The following HSH2D variants were observed in gnomAD, a reference collection of about 807,000 sequenced individuals.
HSH2D encodes hematopoietic SH2 domain containing.
A neutral mutation model predicts 21.5 loss-of-function variants in HSH2D; 16 were observed. That is an observed-to-expected ratio of 0.74 (90% CI 0.50 to 1.13). HSH2D has a LOEUF of 1.13. Among genes scored for constraint, HSH2D ranks in the 50% most tolerant of loss-of-function variants. The pLI is 0.00. For synonymous variants in HSH2D, 172 were observed against 184.7 expected (o/e 0.93, Z 0.56); for missense variants, 418 against 441.4 (o/e 0.95, Z 0.47).
At chr19:16,140,271 C>CCA (rs2090991211), upstream of HSH2D, among the ~76,000 whole-genome samples, 1 of 151,754 alleles carries the variant, frequency 6.6e-6, no homozygotes, top group South Asian at 2.1e-4. Context: ...CCACTGCACT[C>CCA]CAGCCTGGGC....
Position 16,157,623 on chromosome 19 carries a change from G to A in HSH2D, c.888G>A (p.Ser296=), listed in dbSNP as rs766940068. Reference sequence around the variant, plus strand: ...TCCCCACCAGGAAGGCCGAGAGGTCGGTCAGCTGCATTGAGGTGACCCCAG... The same window carrying A: ...TCCCCACCAGGAAGGCCGAGAGGTCAGTCAGCTGCATTGAGGTGACCCCAG... The part of the protein sequence containing the change: ...RKVPTRKAER[S]VSCIEVTPGD... The change falls in exon 6 of 6, where the codon TCG becomes TCA. Residue 296 remains serine (S), a synonymous_variant. Transcript: ENST00000613986. This position sits in a 1 kb window ranked among gnomAD's most constrained non-coding sequence, Gnocchi z 4.4. The A allele has an allele frequency of 8.1e-6, 13 of 1,613,662 alleles. No individual in the cohort carries two copies. In the East Asian group the frequency reaches 8.9e-5, roughly 11 times the overall value.
rs1397487428 is a variant in HSH2D, at chr19:16,157,091, C to T, written c.475-119C>T. ...GGGCATGGGATCAGGTTTGGGGGTT[C>T]ACACGGGGACGTTTCTCAGCCACAG... On this transcript the variant is annotated intron_variant, in intron 5 of 5. Coordinates refer to ENST00000613986, the MANE Select transcript of HSH2D (RefSeq NM_001382417.1). This position sits in a 1 kb window ranked among gnomAD's most constrained non-coding sequence, Gnocchi z 4.4. The T allele has an allele frequency of 2.7e-6, 2 of 745,492 alleles. No homozygotes were observed. Among genetic ancestry groups the T allele is most frequent in the Non-Finnish European group, 4.2e-6 (2 of 475,046 alleles). 46.2% of individuals were successfully genotyped at this position (745,492 alleles called of 1,614,324 possible). A position where few individuals can be genotyped will look rare whatever the true frequency, so the allele number is the denominator to read the frequency against.
chr19:16,143,266 T>C (rs540012356), upstream of HSH2D, among the ~76,000 whole-genome samples: 44 of 152,232 alleles, frequency 2.9e-4, no homozygotes, highest in South Asian at 9.1e-3. Context: ...CGTATTTTAA[T>C]AGAGACGGGG....
chr19:16,148,010 G>C (rs147317797), intron 1 of HSH2D, among the ~76,000 whole-genome samples: 2,635 of 152,216 alleles, frequency 0.017, 86 homozygotes, highest in African/African-American at 0.059. Flanking sequence ...CCAGGCTGGA[G>C]TGCAGTGGCA....
In HSH2D at chr19:16,157,431, A is replaced by G. The variant is rs777441077; in HGVS notation, c.696A>G (p.Ser232=). ...ACCTCGCCACTGTGAACTTGTCGTC[A>G]CTCTTGGATGTCCGGAGATCCACGG... is the stretch of plus-strand genomic sequence containing the variant. ...KSHLATVNLS[S]LLDVRRSTVI... Residue 232 remains serine, a synonymous_variant, in exon 6 of 6, where the codon TCA becomes TCG. Transcript: ENST00000613986. The surrounding 1 kb of genome is among the most constrained non-coding windows in gnomAD (Gnocchi z 4.4). The G allele has an allele frequency of 6.2e-7, 1 of 1,613,582 alleles. No individual in the cohort carries two copies. Among genetic ancestry groups the G allele is most frequent in the Non-Finnish European group, 8.5e-7 (1 of 1,179,808 alleles).
chr19:16,157,923 A>C lies in HSH2D; in HGVS notation c.*129A>C. ...TTCGGGAACCCGGGAAATGGAATAA[A>C]GATGTTTTTGGGGTCTGTTCCTGCA... On this transcript the variant is annotated 3_prime_UTR_variant, in exon 6 of 6. Transcript: ENST00000613986. The surrounding 1 kb of genome is among the most constrained non-coding windows in gnomAD (Gnocchi z 4.4). The C allele has an allele frequency of 1.5e-6, 1 of 682,880 alleles. No individual in the cohort carries two copies. Among genetic ancestry groups the C allele is most frequent in the Non-Finnish European group, 2.4e-6 (1 of 412,178 alleles). The allele number at this position is 682,880 out of a possible 1,614,324, so 42.3% of individuals were successfully genotyped here.
upstream of HSH2D, among the ~76,000 whole-genome samples, chr19:16,141,136 C>A (rs1408229974): frequency 1.3e-5 from 2 of 152,228 alleles, no homozygotes; most frequent in African/African-American, 4.8e-5. Context: ...ATGCCCATTG[C>A]ACAGATGCAG....
intron 5 of HSH2D, 191 bp downstream of exon 5, chr19:16,154,682 C>T: frequency 2.0e-6 from 1 of 509,442 alleles, no homozygotes; most frequent in Non-Finnish European, 3.6e-6. Flanking sequence ...CTCTTTCTGC[C>T]TGTCACCTAC....
intron 1 of HSH2D, among the ~76,000 whole-genome samples, chr19:16,135,817 T>C (rs1252526533): frequency 1.3e-5 from 2 of 151,986 alleles, no homozygotes; most frequent in Non-Finnish European, 2.9e-5. Flanking sequence ...TTGCCAACCC[T>C]GTCCCCACTC....
At position 16,145,518 on chromosome 19, in the gene HSH2D, T is replaced by C. The variant is rs547324885; in HGVS notation, c.-28+1744T>C. ...GTGAGCTACTGCACCCAGCCTCCAATTCCAGGCTCTTAATCATTTTGTCAC... is the reference window on the plus strand; with the variant it reads ...GTGAGCTACTGCACCCAGCCTCCAACTCCAGGCTCTTAATCATTTTGTCAC... On this transcript the variant is annotated intron_variant, in intron 1 of 5. Transcript: ENST00000613986. Among the ~76,000 whole-genome samples the C allele has an allele frequency of 2.6e-5, 4 of 151,984 alleles. No individual in the cohort carries two copies. In the South Asian group the frequency reaches 8.4e-4, roughly 32 times the overall value.
intron 1 of HSH2D, among the ~76,000 whole-genome samples, chr19:16,146,318 TACA>T (rs1217148051): frequency 6.6e-6 from 1 of 152,194 alleles, no homozygotes; most frequent in East Asian, 1.9e-4. Context: ...CATGAGTGGC[TACA>T]ACGTGTAGTG....
chr19:16,153,221 AC>A lies in HSH2D; in HGVS notation c.381+16del. 3 of 1,506,412 alleles carry A rather than the reference AC, an allele frequency of 2.0e-6. No homozygotes were observed. The highest frequency in any genetic ancestry group is 2.7e-6 in the Non-Finnish European group (3 of 1,130,014). 93.3% of individuals were successfully genotyped at this position (1,506,412 alleles called of 1,614,324 possible). A position where few individuals can be genotyped will look rare whatever the true frequency, so the allele number is the denominator to read the frequency against. ...GCCCTGCAGGCAGGTGAGGGCGGGG[AC>A]CCACAAGGTTCACAGCCATTTCCTT... On this transcript the variant is annotated intron_variant, in intron 4 of 5. Coordinates refer to ENST00000613986, the MANE Select transcript of HSH2D (RefSeq NM_001382417.1).
chr19:16,148,131 A>G (rs1426153185), intron 1 of HSH2D, among the ~76,000 whole-genome samples: 2 of 149,232 alleles, frequency 1.3e-5, no homozygotes, highest in African/African-American at 5.0e-5. Context: ...GCTAATTTTT[A>G]AATTTTATTT....
chr19:16,157,944 C>G lies in HSH2D; in HGVS notation c.*150C>G. ...ATAAAGATGTTTTTGGGGTCTGTTC[C>G]TGCACTCACCCATGGGGTGAGCTGG... On this transcript the variant is annotated 3_prime_UTR_variant, in exon 6 of 6. Transcript: ENST00000613986. The surrounding 1 kb of genome is among the most constrained non-coding windows in gnomAD (Gnocchi z 4.4). The G allele has an allele frequency of 1.6e-6, 1 of 612,586 alleles. No homozygotes were observed. The highest frequency in any genetic ancestry group is 2.8e-5 in the East Asian group (1 of 36,122). The allele number at this position is 612,586 out of a possible 1,614,324, so 37.9% of individuals were successfully genotyped here.
chr19:16,157,346 G>A lies in HSH2D; in HGVS notation c.611G>A (p.Trp204Ter). 1 of 1,613,950 alleles carries A rather than the reference G, an allele frequency of 6.2e-7. No homozygotes were observed. Among genetic ancestry groups the A allele is most frequent in the Non-Finnish European group, 8.5e-7 (1 of 1,179,866 alleles). ...CTTGGAGAGACCCGCCAGAAACTCTGGAGGAGCCTCAAAATGCTCCCCGAG... is the reference window on the plus strand; with the variant it reads ...CTTGGAGAGACCCGCCAGAAACTCTAGAGGAGCCTCAAAATGCTCCCCGAG... ...SPLGETRQKL[W>*]RSLKMLPERG... Residue 204 changes from tryptophan (W) to a stop codon, truncating the protein, a stop_gained, in exon 6 of 6, where the codon TGG becomes TAG. Coordinates refer to ENST00000613986, the MANE Select transcript of HSH2D (RefSeq NM_001382417.1). LOFTEE classifies it low-confidence loss of function (END_TRUNC). This position sits in a 1 kb window ranked among gnomAD's most constrained non-coding sequence, Gnocchi z 4.4.
chr19:16,136,963 C>G (rs575853765), intron 1 of HSH2D, among the ~76,000 whole-genome samples: 9 of 152,264 alleles, frequency 5.9e-5, no homozygotes, highest in Non-Finnish European at 1.0e-4. Context: ...TTTTTCAGGA[C>G]CTCTCTCTGC....
intron 5 of HSH2D, 135 bp downstream of exon 5, chr19:16,154,626 T>C (rs1312461177): frequency 3.6e-6 from 2 of 554,804 alleles, no homozygotes; most frequent in Admixed American, 6.7e-5. Context: ...ACCTTTCCAG[T>C]GCTTTTGCAA....
chr19:16,141,035 A>T (rs1010230568), upstream of HSH2D, among the ~76,000 whole-genome samples: 2 of 152,222 alleles, frequency 1.3e-5, no homozygotes, highest in African/African-American at 4.8e-5. Flanking sequence ...CACAACAAAG[A>T]GTCCTGATTC....
chr19:16,143,785 C>G lies in HSH2D; in HGVS notation c.-28+11C>G, dbSNP rs1307342983. On this transcript the variant is annotated intron_variant, in intron 1 of 5. Transcript: ENST00000613986. ...CCAAGGGTCTCCCAGGTATGTGACC[C>G]AAGAGCCTCAGCCCTCGAGGAGACA... 2.2e-6 allele frequency: 1 copy of G among 444,520 alleles called. No individual in the cohort carries two copies. 27.5% of individuals were successfully genotyped at this position (444,520 alleles called of 1,614,324 possible).
Sources: allele counts gnomAD v4.1 joint callset (sites outside exome capture counted in the v4.1 genomes callset), GRCh38; gene constraint gnomAD v4.1.1; non-coding constraint Gnocchi (gnomAD v3.1); transcripts MANE v1.5; gene names NCBI Gene and HGNC (gene_info 2026-07-23, HGNC 2026-07-21).